Variants in NCOA2 observed in about 807,000 individuals in gnomAD.
NCOA2 encodes the protein nuclear receptor coactivator 2.
In NCOA2, 21 loss-of-function variants were observed where a neutral mutation model predicts 145.1. That is an observed-to-expected ratio of 0.14 (90% CI 0.10 to 0.21). The LOEUF is 0.21. Among genes scored for constraint, NCOA2 ranks in the 10% least tolerant of loss-of-function variants. The probability of loss-of-function intolerance (pLI) is 1.00; values close to 1 mark genes in which losing one functional copy is unlikely to be tolerated. For missense variants in NCOA2, 1,472 were observed against 1,837.6 expected (o/e 0.80, Z 3.64); for synonymous variants, 619 against 637.5 (o/e 0.97, Z 0.44).
intron 2 of NCOA2, among the ~76,000 whole-genome samples, chr8:70,276,776 T>C (rs1779952317): frequency 6.6e-6 from 1 of 152,198 alleles, no homozygotes; most frequent in Non-Finnish European, 1.5e-5. Context: ...TATTTCTTCA[T>C]AGCAGCGTGA....
At chr8:70,403,551 C>T (rs1471782005) in intron 1 of NCOA2, 149 bp downstream of exon 1, 3 of 302,256 alleles carry the variant, frequency 9.9e-6, no homozygotes, top group Non-Finnish European at 6.1e-6. Context: ...CGGCGGTCCC[C>T]GCACACAAAA....
At chr8:70,441,445 G>GA in the NCOA2 span, among the ~76,000 whole-genome samples, 2 of 119,358 alleles carry the variant, frequency 1.7e-5, no homozygotes, top group South Asian at 2.7e-4. Flanking sequence ...AAAGAAAAAA[G>GA]AAAAAAGAAA....
At chr8:70,272,787 AT>A (rs1825153282) in intron 2 of NCOA2, among the ~76,000 whole-genome samples, 1 of 152,226 alleles carries the variant, frequency 6.6e-6, no homozygotes, top group Admixed American at 6.5e-5. Flanking sequence ...CTAAATAAAA[AT>A]TCTCTTTAAA....
intron 2 of NCOA2, among the ~76,000 whole-genome samples, chr8:70,260,705 A>C (rs910651608): frequency 6.6e-6 from 1 of 152,242 alleles, no homozygotes; most frequent in Non-Finnish European, 1.5e-5. Context: ...TCTACTCTTA[A>C]AGATACTAAG....
chr8:70,413,429 C>T, the NCOA2 span, among the ~76,000 whole-genome samples: 4 of 152,134 alleles, frequency 2.6e-5, no homozygotes, highest in Non-Finnish European at 4.4e-5. Flanking sequence ...AACTAAAGAA[C>T]ATTCAAAGAA....
intron 13 of NCOA2, among the ~76,000 whole-genome samples, chr8:70,143,477 TTTAAA>T (rs1344761806): frequency 1.4e-4 from 21 of 152,140 alleles, no homozygotes; most frequent in Admixed American, 1.4e-3. Context: ...TATCTTAAAT[TTTAAA>T]TTAATCTTTG....
At chr8:70,269,383 T>C (rs1343531072) in intron 2 of NCOA2, among the ~76,000 whole-genome samples, 2 of 151,736 alleles carry the variant, frequency 1.3e-5, no homozygotes, top group Non-Finnish European at 2.9e-5. Flanking sequence ...AGGCTAAGAG[T>C]TCAGGGGTTC....
At chr8:70,126,671 C>G (rs1313086829) in intron 19 of NCOA2, 142 bp downstream of exon 19, 2 of 732,588 alleles carry the variant, frequency 2.7e-6, no homozygotes, top group African/African-American at 3.5e-5. Context: ...CAACTGTCCT[C>G]CCAGGTTTCC....
chr8:70,119,053 A>C (rs1807470588), intron 22 of NCOA2, among the ~76,000 whole-genome samples: 1 of 152,120 alleles, frequency 6.6e-6, no homozygotes, highest in Non-Finnish European at 1.5e-5. Context: ...AAATTTCATT[A>C]CATAATGCAT....
At chr8:70,120,191 T>G (rs1326717442) in intron 22 of NCOA2, among the ~76,000 whole-genome samples, 1 of 152,152 alleles carries the variant, frequency 6.6e-6, no homozygotes, top group African/African-American at 2.4e-5. Flanking sequence ...TTTGCAAATA[T>G]TTTCTTCCAC....
intron 1 of NCOA2, among the ~76,000 whole-genome samples, chr8:70,324,818 A>T (rs1354873535): frequency 6.6e-6 from 1 of 152,176 alleles, no homozygotes; most frequent in Admixed American, 6.5e-5. Flanking sequence ...AAATGCAGTC[A>T]GTTCTACCTT....
At chr8:70,306,380 G>A (rs920538819) in intron 1 of NCOA2, among the ~76,000 whole-genome samples, 1 of 152,084 alleles carries the variant, frequency 6.6e-6, no homozygotes, top group African/African-American at 2.4e-5. Flanking sequence ...CAACCTCCAC[G>A]TCACAGAAGG....
At position 70,128,499 on chromosome 8, in the gene NCOA2, T is replaced by C; in HGVS notation, c.3615A>G (p.Pro1205=). The C allele has an allele frequency of 6.2e-7, 1 of 1,612,614 alleles. No individual in the cohort carries two copies. Among genetic ancestry groups the C allele is most frequent in the South Asian group, 1.1e-5 (1 of 90,752 alleles). The change falls in exon 18 of 23, where the codon CCA becomes CCG. Residue 1205 remains proline, a synonymous_variant. Transcript: ENST00000452400. ...AAACATTGCTGATTTGATTCATAAG[T>C]GGCTGGCGATTCTAAATACATACAA... ...HRLQAQQNRQ[P]LMNQISNVSN...
chr8:70,357,300 G>A (rs1191169745), intron 1 of NCOA2: 4 of 151,196 alleles, frequency 2.6e-5, no homozygotes, highest in African/African-American at 7.3e-5. Context: ...TAGCTGAAGA[G>A]GCAAAAAAAA....
intron 2 of NCOA2, among the ~76,000 whole-genome samples, chr8:70,261,150 C>T (rs1331062009): frequency 2.6e-5 from 4 of 152,162 alleles, no homozygotes; most frequent in African/African-American, 4.8e-5. Context: ...GACACATGTA[C>T]ACATATGTTT....
intron 4 of NCOA2, among the ~76,000 whole-genome samples, chr8:70,207,174 T>TAC (rs1818525906): frequency 6.6e-6 from 1 of 152,226 alleles, no homozygotes; most frequent in Non-Finnish European, 1.5e-5. Flanking sequence ...AAGCAATACA[T>TAC]ACAGTATTGA....
Position 70,399,758 on chromosome 8 carries a change from T to A in NCOA2, c.-77+3942A>T, listed in dbSNP as rs187849610. 2.0e-3 allele frequency among the ~76,000 whole-genome samples: 303 copies of A among 152,316 alleles called. 1 individual carries two copies. Among genetic ancestry groups the A allele is most frequent in the African/African-American group, 6.8e-3 (282 of 41,562 alleles). The stretch of plus-strand genomic sequence containing the variant: ...GCACATGCTGTGCATTTCAGAAAAA[T>A]TGTTTAAAGAGACCATCCCCTTTTG... On this transcript the variant is annotated intron_variant, in intron 1 of 22. Coordinates refer to ENST00000452400, the MANE Select transcript of NCOA2 (RefSeq NM_006540.4).
At chr8:70,174,393 C>A (rs1225653944) in intron 5 of NCOA2, among the ~76,000 whole-genome samples, 1 of 152,148 alleles carries the variant, frequency 6.6e-6, no homozygotes, top group African/African-American at 2.4e-5. Context: ...TATGTATAGG[C>A]ATTTGTACAT....
At chr8:70,409,877 G>C in the NCOA2 span, among the ~76,000 whole-genome samples, 1 of 151,976 alleles carries the variant, frequency 6.6e-6, no homozygotes, top group Non-Finnish European at 1.5e-5. Context: ...AAGACCCTGT[G>C]TGAAAGAAAG....
Sources: allele counts gnomAD v4.1 joint callset (sites outside exome capture counted in the v4.1 genomes callset), GRCh38; gene constraint gnomAD v4.1.1; transcripts MANE v1.5; gene names NCBI Gene and HGNC (gene_info 2026-07-23, HGNC 2026-07-21).